SNX13: variants seen among roughly 807,000 people sequenced by gnomAD.
SNX13 encodes the protein sorting nexin-13.
A neutral mutation model predicts 133.6 loss-of-function variants in SNX13; 45 were observed. The ratio of observed to expected loss-of-function variants is 0.34; its 90% CI spans 0.27 to 0.43. The LOEUF (loss-of-function observed/expected upper bound fraction) is 0.43. SNX13 is among the 20% of genes least tolerant of loss of function. The pLI is 1.00. For synonymous variants in SNX13, 414 were observed against 373.9 expected, an observed-to-expected ratio of 1.11 and a Z score of -1.24; for missense variants, 1,032 against 1,145.1, an observed-to-expected ratio of 0.90 and a Z score of 1.43.
At chr7:17,909,138 T>TA (rs1218005171) in intron 1 of SNX13, among the ~76,000 whole-genome samples, 1 of 151,426 alleles carries the variant, frequency 6.6e-6, no homozygotes, top group Non-Finnish European at 1.5e-5. Context: ...AAAAAAAAAT[T>TA]AAAAAAAACA....
intron 12 of SNX13, among the ~76,000 whole-genome samples, chr7:17,845,153 TACACACACAC>T (rs71010276): frequency 8.7e-5 from 13 of 148,822 alleles, no homozygotes; most frequent in Non-Finnish European, 1.9e-4. Flanking sequence ...TGCGTGTGTG[TACACACACAC>T]ACACACACAC....
intron 1 of SNX13, among the ~76,000 whole-genome samples, chr7:17,937,752 T>A (rs1433890423): frequency 6.6e-6 from 1 of 152,210 alleles, no homozygotes; most frequent in Non-Finnish European, 1.5e-5. Flanking sequence ...ATATGATTTC[T>A]GTCTCCTCCA....
chr7:17,839,848 C>T lies in SNX13; in HGVS notation c.1318G>A (p.Ala440Thr). The change falls in exon 13 of 26, where the codon GCA becomes ACA. Residue 440 changes from alanine (A) to threonine (T), a missense_variant. By Grantham distance (58) the Ala-to-Thr change is moderately conservative. Coordinates refer to ENST00000428135, the MANE Select transcript of SNX13 (RefSeq NM_015132.5). ...QTNQTKGLLR[A>T]AAVGIYEQYL... The stretch of plus-strand genomic sequence containing the variant: ...TGTTCATAAATTCCAACAGCAGCTG[C>T]TCTTAAAAGACCTTTGGTTTGGTTG... The T allele has an allele frequency of 1.2e-6, 2 of 1,610,992 alleles. No homozygotes were observed. The highest frequency in any genetic ancestry group is 1.7e-6 in the Non-Finnish European group (2 of 1,178,172).
At chr7:17,850,997 A>G in intron 9 of SNX13, 33 bp from the exon 10 acceptor site, 1 of 1,573,090 alleles carries the variant, frequency 6.4e-7, no homozygotes, top group Admixed American at 1.9e-5. Context: ...CAGGTGGGAG[A>G]GGAACTCACT....
At chr7:17,924,479 G>T (rs1289113499) in intron 1 of SNX13, among the ~76,000 whole-genome samples, 2 of 152,162 alleles carry the variant, frequency 1.3e-5, no homozygotes, top group African/African-American at 4.8e-5. Context: ...TGTTCTGGAG[G>T]ATATGGAGAA....
intron 21 of SNX13, among the ~76,000 whole-genome samples, chr7:17,803,150 G>C (rs1784821474): frequency 1.3e-5 from 2 of 152,076 alleles, no homozygotes; most frequent in Admixed American, 6.5e-5. Flanking sequence ...ACAAGATAAA[G>C]AATGTTAACT....
intron 20 of SNX13, among the ~76,000 whole-genome samples, chr7:17,813,437 A>G (rs897874162): frequency 6.6e-6 from 1 of 152,212 alleles, no homozygotes; most frequent in African/African-American, 2.4e-5. Context: ...CCTAGAACTT[A>G]TTATTAAAAG....
chr7:17,891,928 T>C (rs951376386), intron 3 of SNX13, among the ~76,000 whole-genome samples: 1 of 152,108 alleles, frequency 6.6e-6, no homozygotes, highest in African/African-American at 2.4e-5. Context: ...TCTACAACTA[T>C]AAAATTAGTG....
chr7:17,796,755 T>C (rs1784097920), intron 25 of SNX13, 72 bp downstream of exon 25: 1 of 1,078,074 alleles, frequency 9.3e-7, no homozygotes, highest in Non-Finnish European at 1.4e-6. Context: ...GCAGTTACAC[T>C]GGCATGATGA....
chr7:17,934,456 T>G (rs1020575542), intron 1 of SNX13, among the ~76,000 whole-genome samples: 1 of 152,210 alleles, frequency 6.6e-6, no homozygotes, highest in Non-Finnish European at 1.5e-5. Flanking sequence ...GTGAGGATGT[T>G]TCCAGAGGAG....
chr7:17,851,223 A>G (rs935935310), intron 9 of SNX13, among the ~76,000 whole-genome samples: 1 of 152,254 alleles, frequency 6.6e-6, no homozygotes, highest in South Asian at 2.1e-4. Context: ...AGAAGCCATG[A>G]TGACTGGAAC....
intron 1 of SNX13, among the ~76,000 whole-genome samples, chr7:17,905,033 G>A (rs1275921862): frequency 2.0e-5 from 3 of 152,140 alleles, no homozygotes; most frequent in Non-Finnish European, 2.9e-5. Context: ...AAGGGAAGGA[G>A]GGAAAGGACA....
intron 20 of SNX13, among the ~76,000 whole-genome samples, chr7:17,812,095 C>T (rs1371492044): frequency 6.6e-6 from 1 of 152,110 alleles, no homozygotes; most frequent in African/African-American, 2.4e-5. Context: ...TGGGCAAAGA[C>T]TTCATGACTA....
chr7:17,831,453 A>G (rs1232999855), intron 15 of SNX13: 2 of 945,620 alleles, frequency 2.1e-6, no homozygotes, highest in African/African-American at 3.6e-5. Flanking sequence ...AAAGGAAGAA[A>G]TGAGGAGAAA....
At chr7:17,922,815 C>T (rs1253322277) in intron 1 of SNX13, among the ~76,000 whole-genome samples, 3 of 152,106 alleles carry the variant, frequency 2.0e-5, no homozygotes, top group African/African-American at 4.8e-5. Flanking sequence ...ACAACACTAC[C>T]TTTAAGAGTA....
chr7:17,827,999 C>A (rs917256878), intron 16 of SNX13, among the ~76,000 whole-genome samples: 16 of 151,648 alleles, frequency 1.1e-4, no homozygotes, highest in Non-Finnish European at 2.2e-4. Flanking sequence ...GGTAACCTTC[C>A]CTTGTATGTT....
rs768757673 is a variant in SNX13, at chr7:17,794,018, T to G, written c.*27A>C. 30 of 1,606,124 alleles carry G rather than the reference T, an allele frequency of 1.9e-5. 1 individual carries two copies. The South Asian group carries it at 3.3e-4, about 18-fold the overall frequency. On this transcript the variant is annotated 3_prime_UTR_variant, in exon 26 of 26. Coordinates refer to ENST00000428135, the MANE Select transcript of SNX13 (RefSeq NM_015132.5). ...TCCATACCATTAGTCCTGGACAAAATGAACACCAGCTTCATAGAGTGGAGT... is the reference window on the plus strand; with the variant it reads ...TCCATACCATTAGTCCTGGACAAAAGGAACACCAGCTTCATAGAGTGGAGT...
chr7:17,823,072 C>T (rs900703968), intron 17 of SNX13, among the ~76,000 whole-genome samples: 1 of 152,182 alleles, frequency 6.6e-6, no homozygotes, highest in African/African-American at 2.4e-5. Flanking sequence ...ATGGCCTTGG[C>T]CCATCCTGCC....
At chr7:17,842,643 T>C (rs1790033609) in intron 12 of SNX13, among the ~76,000 whole-genome samples, 1 of 152,164 alleles carries the variant, frequency 6.6e-6, no homozygotes, top group East Asian at 1.9e-4. Context: ...TTAAAAAAAA[T>C]CAACTATCAG....
Sources: allele counts gnomAD v4.1 joint callset (sites outside exome capture counted in the v4.1 genomes callset), GRCh38; gene constraint gnomAD v4.1.1; transcripts MANE v1.5; gene names NCBI Gene and HGNC (gene_info 2026-07-23, HGNC 2026-07-21).